MAGI2: variants seen among roughly 807,000 people sequenced by gnomAD.
MAGI2 encodes the protein membrane-associated guanylate kinase, WW and PDZ domain-containing protein 2.
In MAGI2, 35 loss-of-function variants were observed where a neutral mutation model predicts 133.3. The observed-to-expected ratio is 0.26, with a 90% CI of 0.20 to 0.35. MAGI2 has a LOEUF of 0.35. MAGI2 is among the 10% of genes least tolerant of loss of function. The pLI is 1.00. For missense variants in MAGI2, 1,636 were observed against 1,863.4 expected, an observed-to-expected ratio of 0.88 and a Z score of 2.25; for synonymous variants, 729 against 710.6, an observed-to-expected ratio of 1.03 and a Z score of -0.41.
chr7:78,070,500 GTGTA>G (rs1814499038), intron 21 of MAGI2, among the ~76,000 whole-genome samples: 1 of 142,574 alleles, frequency 7.0e-6, no homozygotes, highest in African/African-American at 2.7e-5. Context: ...ATATATGTGT[GTGTA>G]TATATATGTG....
chr7:78,328,983 G>C (rs1011539546), intron 9 of MAGI2, among the ~76,000 whole-genome samples: 1 of 152,134 alleles, frequency 6.6e-6, no homozygotes, highest in African/African-American at 2.4e-5. Context: ...CACTTCTTTT[G>C]TCAATATTTC....
chr7:78,557,095 A>AAAAAAAAG (rs1563165546), intron 3 of MAGI2, among the ~76,000 whole-genome samples: 1 of 147,846 alleles, frequency 6.8e-6, no homozygotes, highest in Non-Finnish European at 1.5e-5. Context: ...AAAAAAAAAA[A>AAAAAAAAG]AAAAAGAAAA....
intron 1 of MAGI2, among the ~76,000 whole-genome samples, chr7:79,401,188 A>G (rs1484941186): frequency 6.6e-6 from 1 of 152,182 alleles, no homozygotes; most frequent in Non-Finnish European, 1.5e-5. Flanking sequence ...ACACCCCAGC[A>G]AATAATGTTG....
In MAGI2 at chr7:78,676,324, C is replaced by A. The variant is rs115752706; in HGVS notation, c.419-49085G>T. ...AAGAAAAATACCTCAGTGCTCAAGACAAGAACAAGTAAGAATTGTTTAGAT... is the reference window on the plus strand; with the variant it reads ...AAGAAAAATACCTCAGTGCTCAAGAAAAGAACAAGTAAGAATTGTTTAGAT... On this transcript the variant is annotated intron_variant, in intron 2 of 21. Coordinates refer to ENST00000354212, the MANE Select transcript of MAGI2 (RefSeq NM_012301.4). Among the ~76,000 whole-genome samples the A allele has an allele frequency of 4.9e-3, 741 of 152,224 alleles. 13 individuals carry two copies. Among genetic ancestry groups the A allele is most frequent in the African/African-American group, 0.017 (696 of 41,566 alleles).
At chr7:78,194,570 T>C (rs1828542697) in intron 12 of MAGI2, among the ~76,000 whole-genome samples, 1 of 152,200 alleles carries the variant, frequency 6.6e-6, no homozygotes, top group African/African-American at 2.4e-5. Context: ...ACTTCTTTTC[T>C]GTATTTGGTA....
At chr7:78,893,275 G>A (rs1057141024) in intron 2 of MAGI2, among the ~76,000 whole-genome samples, 1 of 152,196 alleles carries the variant, frequency 6.6e-6, no homozygotes, top group Non-Finnish European at 1.5e-5. Context: ...CTTTTACACT[G>A]TTGGTGGGAC....
At chr7:79,204,869 G>A (rs965527088) in intron 1 of MAGI2, among the ~76,000 whole-genome samples, 6 of 151,794 alleles carry the variant, frequency 4.0e-5, no homozygotes, top group Non-Finnish European at 7.4e-5. Flanking sequence ...CAGAATTGAC[G>A]AAGCAGAAGA....
At chr7:79,131,126 A>C (rs969794918) in intron 1 of MAGI2, among the ~76,000 whole-genome samples, 1 of 152,194 alleles carries the variant, frequency 6.6e-6, no homozygotes, top group Non-Finnish European at 1.5e-5. Context: ...CAAAGTCTTC[A>C]TAGAGGAGGT....
intron 2 of MAGI2, among the ~76,000 whole-genome samples, chr7:78,937,084 A>G (rs1270396859): frequency 6.6e-6 from 1 of 152,032 alleles, no homozygotes; most frequent in Non-Finnish European, 1.5e-5. Flanking sequence ...GGAAGAAAAA[A>G]TACTAGATGA....
At chr7:78,663,927 C>T (rs1813255405) in intron 2 of MAGI2, among the ~76,000 whole-genome samples, 2 of 152,136 alleles carry the variant, frequency 1.3e-5, no homozygotes, top group Admixed American at 6.6e-5. Flanking sequence ...ACAAAGCCAC[C>T]AGCAGCACAT....
chr7:78,693,416 A>T (rs1817177757), intron 2 of MAGI2, among the ~76,000 whole-genome samples: 5 of 152,178 alleles, frequency 3.3e-5, no homozygotes, highest in Admixed American at 3.3e-4. Context: ...CGATGTGTAC[A>T]ATCTGTTAAC....
chr7:78,145,593 C>T (rs1420454473), intron 16 of MAGI2, among the ~76,000 whole-genome samples: 4 of 152,114 alleles, frequency 2.6e-5, no homozygotes, highest in Admixed American at 2.6e-4. Flanking sequence ...CAAATTTGGC[C>T]CCCTGTTGTT....
chr7:78,778,604 C>CA (rs925959801), intron 2 of MAGI2, among the ~76,000 whole-genome samples: 3 of 152,118 alleles, frequency 2.0e-5, no homozygotes, highest in African/African-American at 7.2e-5. Context: ...AGTCCAATTT[C>CA]AAATTAGAGT....
At chr7:79,212,170 G>A (rs1829555047) in intron 1 of MAGI2, among the ~76,000 whole-genome samples, 3 of 152,058 alleles carry the variant, frequency 2.0e-5, no homozygotes, top group South Asian at 2.1e-4. Flanking sequence ...AGCTTGGAGC[G>A]CTCTTTACAT....
intron 1 of MAGI2, among the ~76,000 whole-genome samples, chr7:79,346,793 AG>A (rs1196291831): frequency 6.6e-6 from 1 of 151,952 alleles, no homozygotes; most frequent in African/African-American, 2.4e-5. Flanking sequence ...TGGTTTTCTT[AG>A]GCAGAAATGA....
At chr7:78,098,601 A>C (rs982726066) in intron 20 of MAGI2, among the ~76,000 whole-genome samples, 10 of 152,172 alleles carry the variant, frequency 6.6e-5, no homozygotes, top group African/African-American at 2.4e-4. Context: ...AGCAAAAACG[A>C]GATCTATATA....
rs184769057 is a variant in MAGI2 at position 78,751,977 on chromosome 7, C to T, written c.419-124738G>A. On this transcript the variant is annotated intron_variant, in intron 2 of 21. Transcript: ENST00000354212. ...TAGAGGAGGAAATCCTGTGTCATAA[C>T]CCTTCAATCAAAGATCACCAGAAAA... 1.5e-4 allele frequency among the ~76,000 whole-genome samples: 23 copies of T among 152,306 alleles called. 1 individual carries two copies. The highest frequency in any genetic ancestry group is 4.8e-4 in the African/African-American group (20 of 41,566).
At chr7:79,361,308 G>T (rs1842361881) in intron 1 of MAGI2, among the ~76,000 whole-genome samples, 1 of 152,126 alleles carries the variant, frequency 6.6e-6, no homozygotes, top group Non-Finnish European at 1.5e-5. Flanking sequence ...GAAGGGAAGA[G>T]TGTGGTCCCT....
chr7:79,147,677 C>A (rs1262422581), intron 1 of MAGI2, among the ~76,000 whole-genome samples: 1 of 152,236 alleles, frequency 6.6e-6, no homozygotes, highest in Non-Finnish European at 1.5e-5. Context: ...CTTTCCCTCA[C>A]TTCACATCTT....
Sources: allele counts gnomAD v4.1 joint callset (sites outside exome capture counted in the v4.1 genomes callset), GRCh38; gene constraint gnomAD v4.1.1; transcripts MANE v1.5; gene names NCBI Gene and HGNC (gene_info 2026-07-23, HGNC 2026-07-21).